Variants in COL13A1 observed in about 807,000 individuals in gnomAD.
COL13A1 encodes collagen alpha-1(XIII) chain.
Under a neutral mutation model 130.9 loss-of-function variants are expected in COL13A1, and 89 were observed. That is an observed-to-expected ratio of 0.68 (90% CI 0.57 to 0.81). The LOEUF is 0.81. Ranked by LOEUF, COL13A1 falls within the 30% of genes least tolerant of loss-of-function variation. COL13A1 has a pLI of 0.00. For missense variants in COL13A1, 879 were observed against 934.6 expected (o/e 0.94, Z 0.78); for synonymous variants, 402 against 341.6 (o/e 1.18, Z -1.95).
At chr10:69,821,692 G>A (rs1158170150) in intron 1 of COL13A1, among the ~76,000 whole-genome samples, 1 of 152,184 alleles carries the variant, frequency 6.6e-6, no homozygotes, top group African/African-American at 2.4e-5. Context: ...ATTGCCCTGT[G>A]CAGTGTAAGC....
intron 2 of COL13A1, among the ~76,000 whole-genome samples, chr10:69,857,348 G>A (rs1856720119): frequency 6.6e-6 from 1 of 152,336 alleles, no homozygotes; most frequent in African/African-American, 2.4e-5. Context: ...CCTGAGCCCT[G>A]CGTGGGTTCC....
chr10:69,834,057 C>G (rs1849447115), intron 2 of COL13A1, among the ~76,000 whole-genome samples: 1 of 152,190 alleles, frequency 6.6e-6, no homozygotes, highest in African/African-American at 2.4e-5. Context: ...CTCTCTAAGG[C>G]AGCAGTCCCC....
chr10:69,821,395 G>C (rs1293021823), intron 1 of COL13A1, among the ~76,000 whole-genome samples: 1 of 152,182 alleles, frequency 6.6e-6, no homozygotes, highest in Non-Finnish European at 1.5e-5. Flanking sequence ...CCTTGACCTT[G>C]GCCAGGTGCA....
At chr10:69,806,001 C>T (rs977229241) in intron 1 of COL13A1, among the ~76,000 whole-genome samples, 16 of 152,264 alleles carry the variant, frequency 1.1e-4, no homozygotes, top group African/African-American at 3.4e-4. Flanking sequence ...AGTCTTGTGG[C>T]CTTAGGCAAG....
At chr10:69,871,473 A>G (rs914206073) in intron 3 of COL13A1, among the ~76,000 whole-genome samples, 1 of 152,062 alleles carries the variant, frequency 6.6e-6, no homozygotes, top group Non-Finnish European at 1.5e-5. Flanking sequence ...GTAGCCCCAC[A>G]TTCCCCAAGG....
intron 12 of COL13A1, among the ~76,000 whole-genome samples, chr10:69,895,054 C>T (rs1352729509): frequency 6.6e-6 from 1 of 152,234 alleles, no homozygotes; most frequent in Non-Finnish European, 1.5e-5. Context: ...AAACCACTGG[C>T]CTGGCCTCCT....
intron 2 of COL13A1, among the ~76,000 whole-genome samples, chr10:69,835,507 G>T (rs561252393): frequency 1.1e-3 from 170 of 152,218 alleles, no homozygotes; most frequent in African/African-American, 3.9e-3. Flanking sequence ...GACTTGGGTG[G>T]CCTCTGCTGG....
intron 6 of COL13A1, 38 bp downstream of exon 6, chr10:69,878,103 C>T (rs929937741): frequency 1.4e-6 from 1 of 702,744 alleles, no homozygotes; most frequent in Admixed American, 2.0e-5. Flanking sequence ...TGCACCCAGC[C>T]TCCTCCTCCA....
intron 25 of COL13A1, 48 bp from the exon 26 acceptor site, chr10:69,925,756 C>A: frequency 1.4e-6 from 2 of 1,474,702 alleles, no homozygotes; most frequent in Non-Finnish European, 1.9e-6. Flanking sequence ...GTTGCCCTCC[C>A]GGCCCTCCCG....
chr10:69,944,855 G>A (rs376499028), intron 36 of COL13A1, among the ~76,000 whole-genome samples: 35 of 152,316 alleles, frequency 2.3e-4, no homozygotes, highest in African/African-American at 8.4e-4. Context: ...ATGATTTAGG[G>A]AAACTGCATG....
chr10:69,942,315 C>T (rs1365278768), intron 35 of COL13A1, among the ~76,000 whole-genome samples: 1 of 152,202 alleles, frequency 6.6e-6, no homozygotes, highest in Admixed American at 6.5e-5. Flanking sequence ...ATGCAGAGAG[C>T]ATGCCCTGGC....
intron 2 of COL13A1, among the ~76,000 whole-genome samples, chr10:69,841,895 C>T (rs1015211620): frequency 4.6e-5 from 7 of 152,128 alleles, no homozygotes; most frequent in African/African-American, 1.7e-4. Context: ...GGGACAGAGA[C>T]TGGTATGAGA....
Position 69,937,551 on chromosome 10 carries a change from C to T in COL13A1, c.1798-84C>T, listed in dbSNP as rs1031297928. 11 of 705,736 alleles carry T rather than the reference C, an allele frequency of 1.6e-5. No individual in the cohort carries two copies. The African/African-American group carries it at 2.0e-4, about 13-fold the overall frequency. 43.7% of individuals were successfully genotyped at this position (705,736 alleles called of 1,614,324 possible). A position where few individuals can be genotyped will look rare whatever the true frequency, so the allele number is the denominator to read the frequency against. On this transcript the variant is annotated intron_variant, in intron 33 of 40. Transcript: ENST00000645393. ...CCCTCCTTCCTCTACAAATGCCACC[C>T]CAGCCTCCAGGACCCCAGAATGCAA...
chr10:69,877,674 GTCTC>G (rs796795043), intron 5 of COL13A1: 17 of 115,434 alleles, frequency 1.5e-4, no homozygotes, highest in African/African-American at 3.9e-4. Flanking sequence ...CTCTCTCTCT[GTCTC>G]TCTCTCTCTC....
At chr10:69,927,016 C>T in intron 26 of COL13A1, 71 bp from the exon 27 acceptor site, 1 of 1,605,398 alleles carries the variant, frequency 6.2e-7, no homozygotes, top group Non-Finnish European at 8.5e-7. Context: ...GTTTCCATGA[C>T]TGTGCAGTGA....
chr10:69,853,213 G>A (rs993966094), intron 2 of COL13A1, among the ~76,000 whole-genome samples: 4 of 152,300 alleles, frequency 2.6e-5, no homozygotes, highest in East Asian at 1.9e-4. Context: ...CACCAGAGAC[G>A]CCTCACCCTC....
chr10:69,917,224 A>G (rs2064031571), intron 17 of COL13A1, 65 bp from the exon 18 acceptor site: 1 of 1,598,516 alleles, frequency 6.3e-7, no homozygotes, highest in Non-Finnish European at 8.6e-7. Context: ...TCTCACCGAC[A>G]TCCTTGCAGG....
At chr10:69,948,246 C>A (rs1198396743) in intron 38 of COL13A1, among the ~76,000 whole-genome samples, 1 of 152,116 alleles carries the variant, frequency 6.6e-6, no homozygotes, top group East Asian at 1.9e-4. Flanking sequence ...GTCTCCAGAA[C>A]CCAGGTCTTG....
chr10:69,938,809 C>T (rs1317536554), intron 34 of COL13A1, among the ~76,000 whole-genome samples: 1 of 152,172 alleles, frequency 6.6e-6, no homozygotes. Flanking sequence ...TGACAGACTA[C>T]AGAAAACTGA....
Sources: allele counts gnomAD v4.1 joint callset (sites outside exome capture counted in the v4.1 genomes callset), GRCh38; gene constraint gnomAD v4.1.1; transcripts MANE v1.5; gene names NCBI Gene and HGNC (gene_info 2026-07-23, HGNC 2026-07-21).